PTGER3: variants seen among roughly 807,000 people sequenced by gnomAD.
PTGER3 encodes the protein prostaglandin E receptor 3, also known as prostaglandin E2 receptor EP3 subtype.
PTGER3 carries 22 observed loss-of-function variants against 34.7 expected under a neutral mutation model. That is an observed-to-expected ratio of 0.63 (90% CI 0.45 to 0.91). The LOEUF (loss-of-function observed/expected upper bound fraction) is 0.91. Among genes scored for constraint, PTGER3 ranks in the 40% least tolerant of loss-of-function variants. PTGER3 has a pLI of 0.00. For synonymous variants in PTGER3, 241 were observed against 230.1 expected, an observed-to-expected ratio of 1.05 and a Z score of -0.43; for missense variants, 468 against 519.4, an observed-to-expected ratio of 0.90 and a Z score of 0.96.
chr1:70,935,206 G>T (rs1191490076), intron 4 of PTGER3, among the ~76,000 whole-genome samples: 2 of 152,070 alleles, frequency 1.3e-5, no homozygotes, highest in African/African-American at 2.4e-5. Context: ...GGTCATAGGA[G>T]CTATTTTCAG....
At chr1:71,025,590 C>A (rs1658857400) in intron 1 of PTGER3, among the ~76,000 whole-genome samples, 1 of 151,984 alleles carries the variant, frequency 6.6e-6, no homozygotes, top group Non-Finnish European at 1.5e-5. Flanking sequence ...AAGTTTTGCC[C>A]AAAAATATAA....
intron 1 of PTGER3, among the ~76,000 whole-genome samples, chr1:71,030,807 A>G (rs1659342997): frequency 6.6e-6 from 1 of 151,904 alleles, no homozygotes; most frequent in Non-Finnish European, 1.5e-5. Context: ...CTCCATCACC[A>G]TAATTATCTG....
intron 2 of PTGER3, among the ~76,000 whole-genome samples, chr1:70,965,283 G>C (rs596829): frequency 0.47 from 70,985 of 151,824 alleles, 18,690 homozygotes; most frequent in East Asian, 0.72. Context: ...AGAAAAAAAA[G>C]CAGATTTTCA....
intron 2 of PTGER3, among the ~76,000 whole-genome samples, chr1:71,001,630 A>G (rs1656497369): frequency 6.6e-6 from 1 of 152,224 alleles, no homozygotes; most frequent in Non-Finnish European, 1.5e-5. Flanking sequence ...TGTTTAGCTG[A>G]CAAGACCACC....
At chr1:70,994,195 T>G (rs1004310719) in intron 2 of PTGER3, among the ~76,000 whole-genome samples, 3 of 152,106 alleles carry the variant, frequency 2.0e-5, no homozygotes, top group African/African-American at 7.2e-5. Context: ...AAAACTGTCT[T>G]CCCTTCATAT....
At chr1:70,950,225 C>T, downstream of PTGER3, among the ~76,000 whole-genome samples, 1 of 152,272 alleles carries the variant, frequency 6.6e-6, no homozygotes, top group South Asian at 2.1e-4. Context: ...AAGAGGAAAA[C>T]AAAGTTAAGG....
chr1:71,011,380 CT>C (rs1156612403), intron 2 of PTGER3: 1 of 985,060 alleles, frequency 1.0e-6, no homozygotes, highest in African/African-American at 1.7e-5. Flanking sequence ...CTGGGGAACA[CT>C]TTTGGTGAAT....
At chr1:70,957,200 T>TA (rs1022814245) in intron 2 of PTGER3, among the ~76,000 whole-genome samples, 1 of 152,204 alleles carries the variant, frequency 6.6e-6, no homozygotes, top group Non-Finnish European at 1.5e-5. Flanking sequence ...ATGTAAACCT[T>TA]AATCATCTTT....
intron 4 of PTGER3, among the ~76,000 whole-genome samples, chr1:70,895,351 A>G (rs1646702371): frequency 6.6e-6 from 1 of 152,226 alleles, no homozygotes; most frequent in African/African-American, 2.4e-5. Context: ...GTATTCTGCC[A>G]GCTTGAGGAA....
chr1:70,865,750 A>C (rs747235963), intron 4 of PTGER3: 4 of 1,366,992 alleles, frequency 2.9e-6, no homozygotes, highest in Non-Finnish European at 2.9e-6. Context: ...ACATGGCGGG[A>C]AAGGACAAAT....
exon 5 of PTGER3, chr1:70,852,617 G>A (rs1645705700): frequency 1.7e-6 from 1 of 594,824 alleles, no homozygotes; most frequent in South Asian, 2.2e-5. Flanking sequence ...AAAACAATAG[G>A]ACATAAGTTT....
chr1:70,860,090 T>C (rs1645895396), intron 4 of PTGER3, among the ~76,000 whole-genome samples: 2 of 152,132 alleles, frequency 1.3e-5, no homozygotes, highest in Admixed American at 1.3e-4. Flanking sequence ...CATTTGGTAA[T>C]GTCCTCGTTA....
At chr1:70,925,354 A>G (rs570329583) in intron 4 of PTGER3, among the ~76,000 whole-genome samples, 1 of 152,228 alleles carries the variant, frequency 6.6e-6, no homozygotes, top group African/African-American at 2.4e-5. Flanking sequence ...TAAGCTATGT[A>G]TATGTGTCAC....
rs189273627 is a variant in PTGER3, at chr1:70,994,231, G to A, written c.1077+18074C>T. Among the ~76,000 whole-genome samples the A allele has an allele frequency of 3.9e-5, 6 of 152,240 alleles. No individual in the cohort carries two copies. In the East Asian group the frequency reaches 9.7e-4, roughly 24 times the overall value. ...CACCTCAGAAACTTAATATAAGAACGTAAGAAGTGTTGCACCCACTAAGAC... is the reference window on the plus strand; with the variant it reads ...CACCTCAGAAACTTAATATAAGAACATAAGAAGTGTTGCACCCACTAAGAC... On this transcript the variant is annotated intron_variant, in intron 2 of 3. Transcript: ENST00000306666.
chr1:70,979,923 C>T (rs1654095481), intron 2 of PTGER3, among the ~76,000 whole-genome samples: 1 of 152,244 alleles, frequency 6.6e-6, no homozygotes, highest in East Asian at 1.9e-4. Context: ...TCTCTTTCTA[C>T]AACATCAAAA....
intron 4 of PTGER3, among the ~76,000 whole-genome samples, chr1:70,928,728 T>C (rs1264537307): frequency 6.6e-6 from 1 of 152,178 alleles, no homozygotes; most frequent in Non-Finnish European, 1.5e-5. Context: ...ATATTTTTCT[T>C]CAAATGCTCT....
chr1:70,972,785 TTAACA>T (rs1653227762), intron 3 of PTGER3, among the ~76,000 whole-genome samples: 1 of 152,004 alleles, frequency 6.6e-6, no homozygotes, highest in African/African-American at 2.4e-5. Flanking sequence ...TATCATAATA[TTAACA>T]TAAGTATGTA....
intron 1 of PTGER3, among the ~76,000 whole-genome samples, chr1:71,038,373 A>G (rs377418183): frequency 6.6e-6 from 1 of 152,158 alleles, no homozygotes; most frequent in Admixed American, 6.5e-5. Flanking sequence ...TTGTTTTTGT[A>G]TTACCAAGAG....
intron 2 of PTGER3, among the ~76,000 whole-genome samples, chr1:70,958,115 G>A (rs1440586776): frequency 1.3e-5 from 2 of 152,022 alleles, no homozygotes; most frequent in African/African-American, 4.8e-5. Flanking sequence ...GGTCATCTAG[G>A]TTCATTCCAT....
Sources: gnomAD v4.1 joint callset for allele counts (sites outside exome capture counted in the v4.1 genomes callset) on GRCh38, gnomAD v4.1.1 for gene constraint, MANE v1.5 for transcripts, NCBI Gene and HGNC (gene_info 2026-07-23, HGNC 2026-07-21) for gene names.